Variants in DLG2 observed in about 807,000 individuals in gnomAD.
The protein encoded by DLG2 is disks large homolog 2.
Under a neutral mutation model 132.5 loss-of-function variants are expected in DLG2, and 45 were observed. The ratio of observed to expected loss-of-function variants is 0.34; its 90% CI spans 0.27 to 0.44. The LOEUF is 0.44. DLG2 is among the 20% of genes least tolerant of loss of function. DLG2 has a pLI of 1.00. For synonymous variants in DLG2, 424 were observed against 419.6 expected, an observed-to-expected ratio of 1.01 and a Z score of -0.13; for missense variants, 1,045 against 1,196.9, an observed-to-expected ratio of 0.87 and a Z score of 1.87.
At chr11:84,144,812 G>T (rs1328026787) in intron 9 of DLG2, among the ~76,000 whole-genome samples, 1 of 151,752 alleles carries the variant, frequency 6.6e-6, no homozygotes, top group Non-Finnish European at 1.5e-5. Flanking sequence ...CACTAGGAAT[G>T]ACTGAAGTTA....
At chr11:83,527,476 C>A (rs560592961) in intron 21 of DLG2, among the ~76,000 whole-genome samples, 2 of 152,080 alleles carry the variant, frequency 1.3e-5, no homozygotes, top group East Asian at 3.9e-4. Context: ...TTTGGGAGGC[C>A]AAGGCAGGAG....
chr11:84,508,984 G>C (rs2099249973), intron 7 of DLG2, among the ~76,000 whole-genome samples: 1 of 152,194 alleles, frequency 6.6e-6, no homozygotes, highest in Admixed American at 6.5e-5. Context: ...GGCACAAAAT[G>C]TGGAAATAAA....
At chr11:83,666,389 C>G (rs556644826) in intron 18 of DLG2, among the ~76,000 whole-genome samples, 1 of 152,268 alleles carries the variant, frequency 6.6e-6, no homozygotes, top group Admixed American at 6.5e-5. Flanking sequence ...CTGAGCTCCA[C>G]CTCCTGTCAG....
intron 3 of DLG2, among the ~76,000 whole-genome samples, chr11:85,432,321 T>C (rs1458540674): frequency 6.6e-6 from 1 of 151,978 alleles, no homozygotes; most frequent in Non-Finnish European, 1.5e-5. Flanking sequence ...GGACGAAGGA[T>C]GAGATAGATG....
intron 6 of DLG2, among the ~76,000 whole-genome samples, chr11:84,707,078 C>T (rs1373339102): frequency 1.3e-5 from 2 of 151,628 alleles, no homozygotes; most frequent in African/African-American, 4.8e-5. Context: ...AAGTTATCTT[C>T]CTGAGTCCAA....
intron 11 of DLG2, among the ~76,000 whole-genome samples, chr11:84,058,861 G>A (rs1300884315): frequency 6.6e-6 from 1 of 151,358 alleles, no homozygotes; most frequent in East Asian, 1.9e-4. Context: ...TGTAATATTG[G>A]GTACAACACA....
In DLG2 at chr11:84,260,393, G is replaced by A. The variant is rs531661388; in HGVS notation, c.520-9102C>T. 2.8e-4 allele frequency among the ~76,000 whole-genome samples: 43 copies of A among 152,156 alleles called. 1 individual carries two copies. In the South Asian group the frequency reaches 8.3e-3, roughly 29 times the overall value. On this transcript the variant is annotated intron_variant, in intron 7 of 27. Coordinates refer to ENST00000376104, the MANE Select transcript of DLG2 (RefSeq NM_001142699.3). Reference sequence around the variant, plus strand: ...CTTCAGATCTCCATCCTGCATGCTCGCCATATACGTACTTACACTTAGTAT... The same window carrying A: ...CTTCAGATCTCCATCCTGCATGCTCACCATATACGTACTTACACTTAGTAT...
In DLG2 at chr11:83,458,460, AAAAAGTCTGC is replaced by A. The variant is rs943081822; in HGVS notation, c.*1348_*1357del. 3.9e-5 allele frequency: 6 copies of A among 152,908 alleles called. No individual in the cohort carries two copies. The highest frequency in any genetic ancestry group is 8.8e-5 in the Non-Finnish European group (6 of 68,300). The allele number at this position is 152,908 out of a possible 1,614,324, so 9.5% of individuals were successfully genotyped here. On this transcript the variant is annotated 3_prime_UTR_variant, in exon 28 of 28. Transcript: ENST00000376104. ...TCTCTTTGCTCTGTACATAGAAACA[AAAAAGTCTGC>A]ACCCCCTCACCCCCAACCAGACACT...
At chr11:83,762,362 G>T (rs1049166203) in intron 18 of DLG2, among the ~76,000 whole-genome samples, 2 of 152,182 alleles carry the variant, frequency 1.3e-5, no homozygotes, top group Non-Finnish European at 1.5e-5. Context: ...GCTGCAGGTG[G>T]ACCATTCTAT....
intron 7 of DLG2, among the ~76,000 whole-genome samples, chr11:84,319,436 T>A (rs756320101): frequency 1.3e-5 from 2 of 152,182 alleles, no homozygotes; most frequent in Non-Finnish European, 2.9e-5. Flanking sequence ...GCTTCTCTAG[T>A]TTTTTAGGCA....
intron 6 of DLG2, among the ~76,000 whole-genome samples, chr11:84,951,809 A>G (rs1347793292): frequency 2.0e-5 from 3 of 152,038 alleles, no homozygotes; most frequent in African/African-American, 7.2e-5. Context: ...CATTTTAAAG[A>G]ATGTATAAAC....
intron 6 of DLG2, among the ~76,000 whole-genome samples, chr11:84,796,039 G>C (rs193045882): frequency 4.3e-4 from 65 of 152,302 alleles, no homozygotes; most frequent in Non-Finnish European, 2.9e-4. Context: ...TGCCAGGCCA[G>C]ATGGGCAGAA....
chr11:84,375,229 AG>A (rs1320758387), intron 7 of DLG2, among the ~76,000 whole-genome samples: 1 of 152,204 alleles, frequency 6.6e-6, no homozygotes, highest in Non-Finnish European at 1.5e-5. Context: ...CTTTAAAAGA[AG>A]GGTTCTTGTC....
At chr11:84,722,121 A>C (rs2061907512) in intron 6 of DLG2, among the ~76,000 whole-genome samples, 1 of 152,184 alleles carries the variant, frequency 6.6e-6, no homozygotes, top group Non-Finnish European at 1.5e-5. Context: ...GACATAACAC[A>C]CTTCTCCAGA....
At chr11:84,266,884 G>T (rs1187306843) in intron 7 of DLG2, among the ~76,000 whole-genome samples, 1 of 152,192 alleles carries the variant, frequency 6.6e-6, no homozygotes, top group Non-Finnish European at 1.5e-5. Flanking sequence ...GATTTACTTA[G>T]GAAACATAAT....
rs188868752 is a variant in DLG2 at position 85,518,511 on chromosome 11, A to T, written c.40+80146T>A. On this transcript the variant is annotated intron_variant, in intron 3 of 27. Coordinates refer to ENST00000376104, the MANE Select transcript of DLG2 (RefSeq NM_001142699.3). ...AGAAGAAACATCTAAGCAGCAAAGCATTCAAGAGGTGACTTGGGTGCTATT... is the reference window on the plus strand; with the variant it reads ...AGAAGAAACATCTAAGCAGCAAAGCTTTCAAGAGGTGACTTGGGTGCTATT... Among the ~76,000 whole-genome samples the T allele has an allele frequency of 1.1e-4, 16 of 152,328 alleles. No individual in the cohort carries two copies. The East Asian group carries it at 2.9e-3, about 28-fold the overall frequency.
intron 21 of DLG2, among the ~76,000 whole-genome samples, chr11:83,500,175 C>T (rs1034464559): frequency 1.3e-5 from 2 of 151,592 alleles, no homozygotes; most frequent in Non-Finnish European, 1.5e-5. Context: ...TTGTGAGGTT[C>T]TTTAGTATTG....
At chr11:84,371,036 T>G (rs2098704143) in intron 7 of DLG2, among the ~76,000 whole-genome samples, 1 of 152,050 alleles carries the variant, frequency 6.6e-6, no homozygotes, top group African/African-American at 2.4e-5. Flanking sequence ...CCTACTTATG[T>G]CCAAAGGACC....
chr11:84,890,851 T>C (rs2089264106), intron 6 of DLG2: 1 of 152,238 alleles, frequency 6.6e-6, no homozygotes, highest in Non-Finnish European at 1.5e-5. Context: ...GTGTGCATGG[T>C]GGGTCCAGCC....
Sources: allele counts gnomAD v4.1 joint callset (sites outside exome capture counted in the v4.1 genomes callset), GRCh38; gene constraint gnomAD v4.1.1; transcripts MANE v1.5; gene names NCBI Gene and HGNC (gene_info 2026-07-23, HGNC 2026-07-21).